Variants in UBE2V1 observed in about 807,000 individuals in gnomAD.
UBE2V1 encodes ubiquitin conjugating enzyme E2 V1.
In UBE2V1, 15 loss-of-function variants were observed where a neutral mutation model predicts 19.6. The ratio of observed to expected loss-of-function variants is 0.77; its 90% CI spans 0.51 to 1.18. The LOEUF (loss-of-function observed/expected upper bound fraction) is 1.18. UBE2V1 is among the 50% of genes most tolerant of loss of function. UBE2V1 has a pLI of 0.00. For synonymous variants in UBE2V1, 60 were observed against 60.7 expected (o/e 0.99, Z 0.05); for missense variants, 125 against 184.8 (o/e 0.68, Z 1.88).
intron 2 of UBE2V1, among the ~76,000 whole-genome samples, chr20:50,093,987 C>CAAAAAAAAAAAAAAAAAAAAAAAAAAA (rs60174191): frequency 1.8e-5 from 1 of 56,304 alleles, no homozygotes; most frequent in East Asian, 4.6e-4. Flanking sequence ...GACTCCAACT[C>CAAAAAAAAAAAAAAAAAAAAAAAAAAA]AAAAAAAAAA....
intron 1 of UBE2V1, chr20:50,104,374 C>T: frequency 1.0e-6 from 1 of 984,526 alleles, no homozygotes; most frequent in African/African-American, 1.8e-5. Context: ...ATTAACATAC[C>T]TGGCTGGGCG....
chr20:50,115,652 C>G, upstream of UBE2V1: 1 of 1,317,876 alleles, frequency 7.6e-7, no homozygotes, highest in East Asian at 3.0e-5. Flanking sequence ...CCTAAAACCC[C>G]TTGGGCACAG....
intron 2 of UBE2V1, among the ~76,000 whole-genome samples, chr20:50,088,580 G>T (rs964274075): frequency 1.3e-5 from 2 of 152,162 alleles, no homozygotes; most frequent in African/African-American, 4.8e-5. Context: ...GAGCCCAGGA[G>T]TTCAAGACCA....
At chr20:50,092,937 T>G (rs751600276) in intron 2 of UBE2V1, among the ~76,000 whole-genome samples, 1 of 152,162 alleles carries the variant, frequency 6.6e-6, no homozygotes, top group Non-Finnish European at 1.5e-5. Flanking sequence ...CCAGAGGTAT[T>G]CTAAGCACAC....
At chr20:50,092,188 GGTAT>G (rs2079274516) in intron 2 of UBE2V1, among the ~76,000 whole-genome samples, 1 of 152,086 alleles carries the variant, frequency 6.6e-6, no homozygotes, top group Non-Finnish European at 1.5e-5. Flanking sequence ...CGGGTGTGGT[GGTAT>G]GTGCCTATAA....
chr20:50,102,335 G>A (rs779050841), intron 1 of UBE2V1, among the ~76,000 whole-genome samples: 1 of 152,034 alleles, frequency 6.6e-6, no homozygotes, highest in Admixed American at 6.6e-5. Flanking sequence ...TTTTTAAATC[G>A]AGTAAAAAAG....
intron 1 of UBE2V1, among the ~76,000 whole-genome samples, chr20:50,101,719 A>G (rs2080012890): frequency 6.6e-6 from 1 of 152,168 alleles, no homozygotes; most frequent in South Asian, 2.1e-4. Flanking sequence ...TCAGTGTGAT[A>G]GTTATCCAAT....
At chr20:50,087,152 T>G (rs1230994087) in intron 2 of UBE2V1, among the ~76,000 whole-genome samples, 1 of 151,790 alleles carries the variant, frequency 6.6e-6, no homozygotes, top group Non-Finnish European at 1.5e-5. Context: ...TCTCGGCATC[T>G]GGGGGGGCCG....
chr20:50,088,376 A>C (rs1269866200), intron 2 of UBE2V1, among the ~76,000 whole-genome samples: 3 of 152,252 alleles, frequency 2.0e-5, no homozygotes, highest in African/African-American at 7.2e-5. Flanking sequence ...TGGTTGTGAC[A>C]AATGTACCAT....
At position 50,096,687 on chromosome 20, in the gene UBE2V1, T is replaced by G. The variant is rs145490693; in HGVS notation, c.156A>C (p.Ile52=). ...DMTLTRWTGM[I]IGPPRTIYEN... ...CGACGCTTACTCTTGGAGGCCCAAT[T>G]ATCATCCCTGTCCATCTTGTAAGTG... Residue 52 remains isoleucine (I), a synonymous_variant, in exon 2 of 4, where the codon ATA becomes ATC. Coordinates refer to ENST00000371674, the MANE Select transcript of UBE2V1 (RefSeq NM_001032288.3). The G allele has an allele frequency of 6.2e-7, 1 of 1,613,928 alleles. No homozygotes were observed. The highest frequency in any genetic ancestry group is 8.5e-7 in the Non-Finnish European group (1 of 1,180,018).
At chr20:50,107,930 G>A (rs554284881) in intron 1 of UBE2V1, among the ~76,000 whole-genome samples, 6 of 152,328 alleles carry the variant, frequency 3.9e-5, no homozygotes, top group Admixed American at 2.0e-4. Flanking sequence ...GGAGTGCTCA[G>A]GGACGGCCTT....
rs577825956 is a variant in UBE2V1, at chr20:50,109,388, T to C, written c.22+3719A>G. On this transcript the variant is annotated intron_variant, in intron 1 of 3. Transcript: ENST00000371674. ...AGAGAATGTGGTGGGGGAAATAGAG[T>C]GGTTTTCAGTTAACATGAAGGGGGA... 2.0e-5 allele frequency among the ~76,000 whole-genome samples: 3 copies of C among 151,686 alleles called. 1 individual carries two copies. The South Asian group carries it at 6.3e-4, about 32-fold the overall frequency.
chr20:50,103,480 G>A (rs756346854), intron 1 of UBE2V1, among the ~76,000 whole-genome samples: 3 of 152,058 alleles, frequency 2.0e-5, no homozygotes, highest in Non-Finnish European at 2.9e-5. Flanking sequence ...ATTTTGGCTC[G>A]CTGCAACCTC....
At chr20:50,104,295 A>AG (rs2080210437) in intron 1 of UBE2V1, 2 of 983,512 alleles carry the variant, frequency 2.0e-6, no homozygotes, top group Non-Finnish European at 1.2e-6. Flanking sequence ...AAAAAAAAAA[A>AG]AAAGGCAGTA....
intron 1 of UBE2V1, among the ~76,000 whole-genome samples, chr20:50,104,798 C>A (rs760754085): frequency 1.3e-5 from 2 of 151,948 alleles, no homozygotes; most frequent in Non-Finnish European, 2.9e-5. Flanking sequence ...GCAATCTCGG[C>A]TCACTTCAAC....
chr20:50,114,049 G>A (rs2080934455), upstream of UBE2V1, among the ~76,000 whole-genome samples: 2 of 152,160 alleles, frequency 1.3e-5, no homozygotes, highest in African/African-American at 4.8e-5. Flanking sequence ...AGCAGAGACC[G>A]TAACAATGAG....
intron 1 of UBE2V1, among the ~76,000 whole-genome samples, chr20:50,102,956 A>AATG (rs2080101249): frequency 6.6e-6 from 1 of 152,224 alleles, no homozygotes; most frequent in Non-Finnish European, 1.5e-5. Flanking sequence ...TCTGTCCCAG[A>AATG]GCTGTGAATG....
Position 50,084,257 on chromosome 20 carries a change from G to A in UBE2V1, c.172-3C>T. On this transcript the variant is annotated splice_region_variant and splice_polypyrimidine_tract_variant and intron_variant, in intron 2 of 3. Coordinates refer to ENST00000371674, the MANE Select transcript of UBE2V1 (RefSeq NM_001032288.3). ...TATATTCGGTTTTCATAAATTGTCT[G>A]GAAAAAAAGAGTACGGAGATGTCAC... The A allele has an allele frequency of 1.2e-6, 2 of 1,609,360 alleles. No individual in the cohort carries two copies. Among genetic ancestry groups the A allele is most frequent in the Non-Finnish European group, 1.7e-6 (2 of 1,176,522 alleles).
chr20:50,115,482 C>A, upstream of UBE2V1: 1 of 1,576,096 alleles, frequency 6.3e-7, no homozygotes, highest in Non-Finnish European at 8.7e-7. Flanking sequence ...AAGGTGGACT[C>A]ACCTTTGCAG....
Sources: allele counts gnomAD v4.1 joint callset (sites outside exome capture counted in the v4.1 genomes callset), GRCh38; gene constraint gnomAD v4.1.1; transcripts MANE v1.5; gene names NCBI Gene and HGNC (gene_info 2026-07-23, HGNC 2026-07-21).